Variants in CNTN5 observed in about 807,000 individuals in gnomAD.
CNTN5 encodes contactin 5.
CNTN5 carries 77 observed loss-of-function variants against 129.1 expected under a neutral mutation model. The observed-to-expected ratio is 0.60, with a 90% confidence interval of 0.50 to 0.72. The LOEUF is 0.72. Among genes scored for constraint, CNTN5 ranks in the 30% least tolerant of loss-of-function variants. The pLI is 0.00. For synonymous variants in CNTN5, 509 were observed against 465.6 expected (o/e 1.09, Z -1.20); for missense variants, 1,478 against 1,328.8 (o/e 1.11, Z -1.75).
In CNTN5 at chr11:99,620,513, T is replaced by C. The variant is rs112072915; in HGVS notation, c.55+64244T>C. The stretch of plus-strand genomic sequence containing the variant: ...TAAAACTCTTTTTTTCTTTTCTTTT[T>C]TTTTTTTTTCTTTTTGCTCTTTAAC... On this transcript the variant is annotated intron_variant, in intron 3 of 24. Coordinates refer to ENST00000524871, the MANE Select transcript of CNTN5 (RefSeq NM_014361.4). Among the ~76,000 whole-genome samples, 27 of 90,390 alleles carry C rather than the reference T, an allele frequency of 3.0e-4. 2 individuals are homozygous for C. The highest frequency in any genetic ancestry group is 1.7e-3 in the East Asian group (3 of 1,764). The allele number at this position is 90,390 out of a possible 152,430, so 59.3% of individuals were successfully genotyped here. A position where few individuals can be genotyped will look rare whatever the true frequency, so the allele number is the denominator to read the frequency against.
chr11:99,193,312 G>A (rs61893063), intron 1 of CNTN5, among the ~76,000 whole-genome samples: 14,994 of 152,128 alleles, frequency 0.099, 1,279 homozygotes, highest in East Asian at 0.4. Flanking sequence ...AAGTGAGAAT[G>A]TAAAACAAGA....
intron 2 of CNTN5, among the ~76,000 whole-genome samples, chr11:99,490,789 C>A (rs1269171075): frequency 1.3e-5 from 2 of 152,236 alleles, no homozygotes; most frequent in Non-Finnish European, 2.9e-5. Flanking sequence ...GGTTTCCTAT[C>A]TCTCATTGAT....
intron 2 of CNTN5, among the ~76,000 whole-genome samples, chr11:99,443,515 C>A (rs908755958): frequency 6.6e-6 from 1 of 152,106 alleles, no homozygotes; most frequent in Non-Finnish European, 1.5e-5. Context: ...CAAACCAGAA[C>A]GCCATGAAAA....
intron 8 of CNTN5, among the ~76,000 whole-genome samples, chr11:99,982,666 A>G (rs1938419793): frequency 6.6e-6 from 1 of 152,060 alleles, no homozygotes; most frequent in Non-Finnish European, 1.5e-5. Flanking sequence ...TTTGAGATGG[A>G]GTCTGGCTCT....
intron 6 of CNTN5, among the ~76,000 whole-genome samples, chr11:99,908,128 T>C (rs1450476226): frequency 2.0e-5 from 3 of 152,076 alleles, no homozygotes; most frequent in Non-Finnish European, 2.9e-5. Context: ...TTTGTTTTTT[T>C]ACACTTGCAG....
At chr11:100,193,953 A>G (rs17094585) in intron 15 of CNTN5, among the ~76,000 whole-genome samples, 4,715 of 152,054 alleles carry the variant, frequency 0.031, 238 homozygotes, top group African/African-American at 0.11. Flanking sequence ...GTTGCTACAT[A>G]AAGTGGCAAT....
At chr11:99,039,020 A>G (rs947076875) in intron 1 of CNTN5, among the ~76,000 whole-genome samples, 1 of 152,138 alleles carries the variant, frequency 6.6e-6, no homozygotes, top group Non-Finnish European at 1.5e-5. Flanking sequence ...ATATTTCTGT[A>G]TCAGATAATA....
intron 1 of CNTN5, among the ~76,000 whole-genome samples, chr11:99,302,080 A>G (rs1864668159): frequency 6.6e-6 from 1 of 151,724 alleles, no homozygotes; most frequent in South Asian, 2.1e-4. Flanking sequence ...CATTTGTAGC[A>G]GTTTGTAGAG....
intron 13 of CNTN5, among the ~76,000 whole-genome samples, chr11:100,130,207 C>T (rs1438252642): frequency 6.6e-6 from 1 of 152,120 alleles, no homozygotes. Flanking sequence ...ACTTCAAAGA[C>T]ACAGTCATTT....
At chr11:99,588,912 G>C (rs558090642) in intron 3 of CNTN5, among the ~76,000 whole-genome samples, 2 of 152,262 alleles carry the variant, frequency 1.3e-5, no homozygotes, top group Admixed American at 6.5e-5. Context: ...AGTTGCTGTT[G>C]TGGAAAAGTA....
chr11:99,945,483 TCTGTG>T (rs1351823387), intron 7 of CNTN5, among the ~76,000 whole-genome samples: 1 of 78,052 alleles, frequency 1.3e-5, no homozygotes, highest in African/African-American at 4.4e-5. Context: ...AAATAAAACC[TCTGTG>T]CGTGTGTGTG....
At chr11:99,232,380 T>A (rs1861048410) in intron 1 of CNTN5, among the ~76,000 whole-genome samples, 1 of 152,136 alleles carries the variant, frequency 6.6e-6, no homozygotes, top group Admixed American at 6.5e-5. Context: ...CTTTATTAGC[T>A]GTATTAGTAG....
chr11:100,035,909 C>T (rs1202416445), intron 9 of CNTN5, among the ~76,000 whole-genome samples: 19 of 152,214 alleles, frequency 1.2e-4, no homozygotes, highest in East Asian at 3.9e-4. Flanking sequence ...TTCTCCCATT[C>T]TGTAGTTTGC....
At chr11:99,244,970 T>A (rs1591410494) in intron 1 of CNTN5, among the ~76,000 whole-genome samples, 1 of 152,338 alleles carries the variant, frequency 6.6e-6, no homozygotes, top group East Asian at 1.9e-4. Context: ...ATTGTGAATC[T>A]GAAATTAAAC....
chr11:99,276,553 A>G (rs1863443514), intron 1 of CNTN5, among the ~76,000 whole-genome samples: 1 of 151,586 alleles, frequency 6.6e-6, no homozygotes, highest in Admixed American at 6.6e-5. Flanking sequence ...AAATAATAAA[A>G]CAATTTACCT....
chr11:100,322,590 A>C lies in CNTN5; in HGVS notation c.2730+14122A>C, dbSNP rs530238274. 1.8e-4 allele frequency among the ~76,000 whole-genome samples: 28 copies of C among 152,276 alleles called. No individual in the cohort carries two copies. In the South Asian group the frequency reaches 3.7e-3, roughly 20 times the overall value. On this transcript the variant is annotated intron_variant, in intron 21 of 24. Coordinates refer to ENST00000524871, the MANE Select transcript of CNTN5 (RefSeq NM_014361.4). ...AGTAATTTATCATTCTACCATTGACATACATTAAGGTTGTTTCCAGTTGGG... is the reference window on the plus strand; with the variant it reads ...AGTAATTTATCATTCTACCATTGACCTACATTAAGGTTGTTTCCAGTTGGG...
chr11:99,642,940 C>G (rs1266325118), intron 3 of CNTN5, among the ~76,000 whole-genome samples: 2 of 152,110 alleles, frequency 1.3e-5, no homozygotes, highest in East Asian at 3.9e-4. Flanking sequence ...TTTTTCATGG[C>G]TAAATCGTAT....
intron 8 of CNTN5, among the ~76,000 whole-genome samples, chr11:99,988,838 G>GGT (rs1338227602): frequency 9.2e-6 from 1 of 108,444 alleles, no homozygotes; most frequent in Non-Finnish European, 1.9e-5. Flanking sequence ...TTCCAGATGG[G>GGT]GTGTGTGTGT....
chr11:99,850,053 G>C (rs1187993697), intron 6 of CNTN5, among the ~76,000 whole-genome samples: 1 of 152,034 alleles, frequency 6.6e-6, no homozygotes, highest in East Asian at 1.9e-4. Flanking sequence ...TGCAATCATA[G>C]TGTTCTGCAT....
Sources: gnomAD v4.1 joint callset for allele counts (sites outside exome capture counted in the v4.1 genomes callset) on GRCh38, gnomAD v4.1.1 for gene constraint, MANE v1.5 for transcripts, NCBI Gene and HGNC (gene_info 2026-07-23, HGNC 2026-07-21) for gene names.